RBFOX1: variants seen among roughly 807,000 people sequenced by gnomAD.
RBFOX1 encodes RNA binding protein fox-1 homolog 1.
In RBFOX1, 8 loss-of-function variants were observed where a neutral mutation model predicts 57.7. That is an observed-to-expected ratio of 0.14 (90% CI 0.08 to 0.25). RBFOX1 has a LOEUF of 0.25. Ranked by LOEUF, RBFOX1 falls within the 10% of genes least tolerant of loss-of-function variation. The pLI is 1.00. For synonymous variants in RBFOX1, 326 were observed against 222.4 expected (o/e 1.47, Z -4.15); for missense variants, 611 against 548.5 (o/e 1.11, Z -1.14).
Position 6,654,631 on chromosome 16 carries a change from T to G in RBFOX1, c.-35T>G. 6 of 1,510,598 alleles carry G rather than the reference T, an allele frequency of 4.0e-6. No individual in the cohort carries two copies. In the Middle Eastern group the frequency reaches 6.7e-4, roughly 170 times the overall value. The allele number at this position is 1,510,598 out of a possible 1,614,324, so 93.6% of individuals were successfully genotyped here. A position where few individuals can be genotyped will look rare whatever the true frequency, so the allele number is the denominator to read the frequency against. On this transcript the variant is annotated 5_prime_UTR_variant, in exon 3 of 16. Transcript: ENST00000550418. ...ATCAAAGCAGACTGCAATACCTGCG[T>G]GGAAATAGAAGACAGAAAGGTGAGT...
rs544301643 is a variant in RBFOX1, at chr16:5,816,373, T to A, written c.319-50930T>A. Among the ~76,000 whole-genome samples the A allele has an allele frequency of 1.1e-3, 175 of 152,280 alleles. 1 individual carries two copies. The highest frequency in any genetic ancestry group is 4.0e-3 in the African/African-American group (167 of 41,562). On this transcript the variant is annotated intron_variant, in intron 3 of 19. Transcript: ENST00000641259. ...TTCTTACTGTCTGAAGCAGCACCTC[T>A]CTACAGAAGTGACAAAACCGTCTTC...
At chr16:6,936,603 C>T (rs770928324) in intron 3 of RBFOX1, among the ~76,000 whole-genome samples, 1 of 152,066 alleles carries the variant, frequency 6.6e-6, no homozygotes. Context: ...AAGCACTTGA[C>T]ATCCCTATAA....
chr16:6,053,456 C>T (rs548599941), intron 1 of RBFOX1, among the ~76,000 whole-genome samples: 5 of 152,254 alleles, frequency 3.3e-5, no homozygotes, highest in African/African-American at 7.2e-5. Context: ...AAGTAAGAGG[C>T]AGCTGTCACT....
At chr16:6,300,844 T>C (rs2078732985) in intron 1 of RBFOX1, among the ~76,000 whole-genome samples, 1 of 152,200 alleles carries the variant, frequency 6.6e-6, no homozygotes, top group South Asian at 2.1e-4. Flanking sequence ...CTGGGAATCT[T>C]GTTTTGCTGT....
intron 3 of RBFOX1, among the ~76,000 whole-genome samples, chr16:5,862,266 A>C (rs1296443070): frequency 6.6e-6 from 1 of 152,196 alleles, no homozygotes; most frequent in Non-Finnish European, 1.5e-5. Context: ...CTGGAATGCC[A>C]GTTTAAGTTA....
chr16:6,763,085 A>C (rs1312936272), intron 3 of RBFOX1, among the ~76,000 whole-genome samples: 1 of 152,202 alleles, frequency 6.6e-6, no homozygotes, highest in Non-Finnish European at 1.5e-5. Flanking sequence ...CTGTATTACG[A>C]GAACTTATGT....
chr16:5,679,172 G>C (rs1040986156), intron 3 of RBFOX1, among the ~76,000 whole-genome samples: 17 of 152,154 alleles, frequency 1.1e-4, no homozygotes, highest in African/African-American at 4.1e-4. Context: ...CAAGGCTATT[G>C]AAAGTACTGT....
chr16:5,758,938 G>A (rs1441220413), intron 3 of RBFOX1, among the ~76,000 whole-genome samples: 1 of 146,868 alleles, frequency 6.8e-6, no homozygotes, highest in Non-Finnish European at 1.5e-5. Flanking sequence ...AAAGGAAATA[G>A]TTAGTGGGTT....
intron 4 of RBFOX1, among the ~76,000 whole-genome samples, chr16:7,446,234 C>T (rs1367907165): frequency 5.9e-5 from 9 of 152,278 alleles, no homozygotes; most frequent in Middle Eastern, 6.8e-3. Flanking sequence ...TCTCCCCAGA[C>T]CCATGCGAAT....
At chr16:6,284,430 A>G (rs951479115) in intron 1 of RBFOX1, among the ~76,000 whole-genome samples, 5 of 152,132 alleles carry the variant, frequency 3.3e-5, no homozygotes, top group Admixed American at 6.5e-5. Flanking sequence ...ATCTGCATAA[A>G]TGGAAGATGT....
At chr16:5,918,920 G>T (rs1199456397) in intron 4 of RBFOX1, among the ~76,000 whole-genome samples, 1 of 152,206 alleles carries the variant, frequency 6.6e-6, no homozygotes, top group African/African-American at 2.4e-5. Context: ...AGGAATGCTG[G>T]CTCTACAGGT....
At chr16:6,711,041 G>C (rs779725687) in intron 3 of RBFOX1, among the ~76,000 whole-genome samples, 4 of 152,194 alleles carry the variant, frequency 2.6e-5, no homozygotes, top group Non-Finnish European at 5.9e-5. Context: ...CTGCCTTAAA[G>C]GTTGTGGTAA....
chr16:6,274,904 A>G (rs1210520660), intron 1 of RBFOX1, among the ~76,000 whole-genome samples: 1 of 152,206 alleles, frequency 6.6e-6, no homozygotes, highest in Non-Finnish European at 1.5e-5. Context: ...ATTAATGATG[A>G]GAAGGAACCA....
intron 10 of RBFOX1, among the ~76,000 whole-genome samples, chr16:7,622,387 G>A (rs1411575450): frequency 1.3e-5 from 2 of 152,176 alleles, no homozygotes; most frequent in African/African-American, 2.4e-5. Context: ...AACACTTTGG[G>A]AACTCTTATT....
chr16:6,923,324 A>C (rs8057167), intron 3 of RBFOX1, among the ~76,000 whole-genome samples: 1 of 151,940 alleles, frequency 6.6e-6, no homozygotes, highest in African/African-American at 2.4e-5. Flanking sequence ...ATGTGAGGTC[A>C]GGAGTTCAAG....
intron 3 of RBFOX1, among the ~76,000 whole-genome samples, chr16:5,807,362 G>A (rs1177894863): frequency 2.0e-5 from 3 of 152,110 alleles, no homozygotes; most frequent in African/African-American, 7.2e-5. Flanking sequence ...TCTTCAGGAT[G>A]CCACAGGGCC....
intron 1 of RBFOX1, among the ~76,000 whole-genome samples, chr16:5,241,492 G>A (rs1223566602): frequency 6.6e-6 from 1 of 152,270 alleles, no homozygotes; most frequent in East Asian, 1.9e-4. Flanking sequence ...GTGACCAAGT[G>A]TAGTGGGACC....
At chr16:6,784,054 A>C (rs557241135) in intron 3 of RBFOX1, among the ~76,000 whole-genome samples, 2 of 151,858 alleles carry the variant, frequency 1.3e-5, no homozygotes, top group Non-Finnish European at 2.9e-5. Context: ...TTCTCCTGCT[A>C]CTCTTAGGGT....
At chr16:6,196,316 A>G (rs1016679937) in intron 1 of RBFOX1, among the ~76,000 whole-genome samples, 1 of 152,188 alleles carries the variant, frequency 6.6e-6, no homozygotes, top group Non-Finnish European at 1.5e-5. Flanking sequence ...CTGTCAAGTT[A>G]CTGGATATGT....
Sources: gnomAD v4.1 joint callset for allele counts (sites outside exome capture counted in the v4.1 genomes callset) on GRCh38, gnomAD v4.1.1 for gene constraint, MANE v1.5 for transcripts, NCBI Gene and HGNC (gene_info 2026-07-23, HGNC 2026-07-21) for gene names.